The following PSEN1 variants were observed in gnomAD, a reference collection of about 807,000 sequenced individuals.
PSEN1 encodes presenilin-1.
PSEN1 carries 15 observed loss-of-function variants against 53.5 expected under a neutral mutation model. That is an observed-to-expected ratio of 0.28 (90% confidence interval 0.19 to 0.43). PSEN1 has a LOEUF of 0.43. Among genes scored for constraint, PSEN1 ranks in the 20% least tolerant of loss-of-function variants. The pLI is 1.00. For synonymous variants in PSEN1, 208 were observed against 209.8 expected, an observed-to-expected ratio of 0.99 and a Z score of 0.08; for missense variants, 387 against 571.2, an observed-to-expected ratio of 0.68 and a Z score of 3.29.
intron 5 of PSEN1, among the ~76,000 whole-genome samples, chr14:73,174,732 T>C (rs557343419): frequency 1.6e-4 from 25 of 152,332 alleles, no homozygotes; most frequent in Admixed American, 6.5e-4. Context: ...CACTGGTGAC[T>C]GGTCACACCT....
At position 73,147,956 on chromosome 14, in the gene PSEN1, TC is replaced by T; in HGVS notation, c.-53-8del. 1.5e-6 allele frequency: 2 copies of T among 1,299,640 alleles called. No individual in the cohort carries two copies. Among genetic ancestry groups the T allele is most frequent in the South Asian group, 2.4e-5 (2 of 83,508 alleles). The allele number at this position is 1,299,640 out of a possible 1,614,324, so 80.5% of individuals were successfully genotyped here. The stretch of plus-strand genomic sequence containing the variant: ...TAGTGCACAAAGTTCTGTTTTTCTT[TC>T]CCTTTTCAGAACCTCAAGAGGCTTT... On this transcript the variant is annotated splice_polypyrimidine_tract_variant and intron_variant, in intron 2 of 11. Coordinates refer to ENST00000324501, the MANE Select transcript of PSEN1 (RefSeq NM_000021.4).
At chr14:73,217,454 C>G (rs1403816068) in intron 11 of PSEN1, among the ~76,000 whole-genome samples, 1 of 152,198 alleles carries the variant, frequency 6.6e-6, no homozygotes, top group East Asian at 1.9e-4. Context: ...GTAAGCTCTG[C>G]CCTGAGATAT....
rs1897866471 is a variant in PSEN1 at position 73,170,845 on chromosome 14, C to T, written c.136C>T (p.His46Tyr). The T allele has an allele frequency of 1.2e-6, 2 of 1,614,172 alleles. No homozygotes were observed. The highest frequency in any genetic ancestry group is 8.5e-7 in the Non-Finnish European group (1 of 1,180,014). Residue 46 changes from histidine (H) to tyrosine (Y), a missense_variant, in exon 4 of 12, where the codon CAC becomes TAC. Coordinates refer to ENST00000324501, the MANE Select transcript of PSEN1 (RefSeq NM_000021.4). ...GCACAACGACAGACGGAGCCTTGGC[C>T]ACCCTGAGCCATTATCTAATGGACG... ...QEHNDRRSLGHPEPLSNGRPQ... is the reference protein window; with the variant it reads ...QEHNDRRSLGYPEPLSNGRPQ...
chr14:73,144,192 C>T (rs1897005488), intron 1 of PSEN1, among the ~76,000 whole-genome samples: 1 of 151,836 alleles, frequency 6.6e-6, no homozygotes, highest in African/African-American at 2.4e-5. Flanking sequence ...AGGTGCACGT[C>T]ACCATGCCTG....
chr14:73,212,113 T>C (rs1899723744), intron 10 of PSEN1, among the ~76,000 whole-genome samples, 171 bp downstream of exon 10: 1 of 104,880 alleles, frequency 9.5e-6, no homozygotes, highest in Non-Finnish European at 1.9e-5. Context: ...TTTTTTTTTT[T>C]TTTTTTTTTT....
At chr14:73,165,253 G>A (rs1051438293) in intron 3 of PSEN1, among the ~76,000 whole-genome samples, 3 of 152,058 alleles carry the variant, frequency 2.0e-5, no homozygotes, top group Non-Finnish European at 2.9e-5. Flanking sequence ...ACCACGCCCG[G>A]CCCAAACTGT....
chr14:73,140,143 A>G (rs1176977307), intron 1 of PSEN1, among the ~76,000 whole-genome samples: 2 of 150,356 alleles, frequency 1.3e-5, no homozygotes, highest in East Asian at 1.9e-4. Context: ...ATAGGACCAT[A>G]GTCTCATATC....
At chr14:73,184,229 G>A (rs1190062147) in intron 5 of PSEN1, among the ~76,000 whole-genome samples, 24 of 99,560 alleles carry the variant, frequency 2.4e-4, no homozygotes, top group African/African-American at 8.2e-4. Flanking sequence ...CCTCCCGGAC[G>A]GGGCGGCTGG....
rs531554610 is a variant in PSEN1, at chr14:73,194,288, G to C, written c.769+1424G>C. ...TCTTCCAAAGACAGGATCTCTCTCT[G>C]TCATCCACGCTAGAGTACAGTGGCA... On this transcript the variant is annotated intron_variant, in intron 7 of 11. Transcript: ENST00000324501. Among the ~76,000 whole-genome samples the C allele has an allele frequency of 2.7e-5, 4 of 149,462 alleles. 1 individual carries two copies. Among genetic ancestry groups the C allele is most frequent in the South Asian group, 4.2e-4 (2 of 4,740 alleles).
At chr14:73,208,802 G>C in intron 9 of PSEN1, 1 of 453,744 alleles carries the variant, frequency 2.2e-6, no homozygotes, top group South Asian at 1.6e-5. Flanking sequence ...GCTTCACCAG[G>C]GAACTTCCCC....
chr14:73,137,689 G>A (rs1034576773), intron 1 of PSEN1, among the ~76,000 whole-genome samples: 1 of 152,202 alleles, frequency 6.6e-6, no homozygotes, highest in Admixed American at 6.5e-5. Flanking sequence ...GCTGAGGAAG[G>A]GGAGGGAAGC....
At chr14:73,189,484 T>C (rs1357655975) in intron 6 of PSEN1, among the ~76,000 whole-genome samples, 299 of 149,418 alleles carry the variant, frequency 2.0e-3, no homozygotes, top group East Asian at 6.4e-3. Context: ...TGGTGGTGGG[T>C]GCCTGTAATT....
intron 5 of PSEN1, among the ~76,000 whole-genome samples, chr14:73,184,774 T>C (rs1462749124): frequency 1.6e-5 from 2 of 125,028 alleles, no homozygotes; most frequent in Non-Finnish European, 3.3e-5. Flanking sequence ...CCGGACGGGG[T>C]GGCTGCCGGG....
chr14:73,181,225 A>AG (rs1898203012), intron 5 of PSEN1, among the ~76,000 whole-genome samples: 1 of 152,210 alleles, frequency 6.6e-6, no homozygotes, highest in Admixed American at 6.5e-5. Flanking sequence ...GGATCACCTG[A>AG]GGTCAGAAGA....
intron 8 of PSEN1, among the ~76,000 whole-genome samples, chr14:73,199,638 A>T (rs1357618708): frequency 1.3e-5 from 2 of 152,208 alleles, no homozygotes; most frequent in East Asian, 3.8e-4. Context: ...AAGTCAAAGG[A>T]TGTATTTAAA....
intron 3 of PSEN1, among the ~76,000 whole-genome samples, chr14:73,162,535 T>C (rs1897584256): frequency 6.6e-6 from 1 of 151,818 alleles, no homozygotes; most frequent in Admixed American, 6.5e-5. Flanking sequence ...AGCACGTATC[T>C]GCAGTCTCAG....
chr14:73,171,002 C>G lies in PSEN1; in HGVS notation c.293C>G (p.Ala98Gly). 1 of 1,614,190 alleles carries G rather than the reference C, an allele frequency of 6.2e-7. No individual in the cohort carries two copies. Among genetic ancestry groups the G allele is most frequent in the Admixed American group, 1.7e-5 (1 of 60,022 alleles). ...ACTCTCTGCATGGTGGTGGTCGTGGCTACCATTAAGTCAGTCAGCTTTTAT... is the reference window on the plus strand; with the variant it reads ...ACTCTCTGCATGGTGGTGGTCGTGGGTACCATTAAGTCAGTCAGCTTTTAT... ...PVTLCMVVVV[A>G]TIKSVSFYTR... is the part of the protein sequence containing the mutation. Residue 98 changes from alanine to glycine, a missense_variant, in exon 4 of 12, where the codon GCT becomes GGT. Ala to Gly is a moderately conservative substitution (Grantham distance 60). Around this residue, in one of 4 missense-constraint regions of PSEN1, gnomAD observed 169 missense variants for 299.7 expected, o/e 0.56. Transcript: ENST00000324501.
intron 8 of PSEN1, among the ~76,000 whole-genome samples, chr14:73,203,555 CT>C (rs1899319083): frequency 6.6e-6 from 1 of 152,284 alleles, no homozygotes; most frequent in South Asian, 2.1e-4. Context: ...GCTATTTGTT[CT>C]CTAAAAATCA....
Position 73,198,120 on chromosome 14 carries a change from A to C in PSEN1, c.859A>C (p.Ile287Leu). Residue 287 changes from isoleucine to leucine, a missense_variant, in exon 8 of 12, where the codon ATT (isoleucine) becomes CTT (leucine). This residue lies in a region of PSEN1 where 169 missense variants were observed against 299.7 expected (regional missense o/e 0.56). Transcript: ENST00000324501. Reference sequence around the variant, plus strand: ...AAATGAAACGCTTTTTCCAGCTCTCATTTACTCCTGTAAGTATTTGAGAAG... The same window carrying C: ...AAATGAAACGCTTTTTCCAGCTCTCCTTTACTCCTGTAAGTATTTGAGAAG... ...ERNETLFPAL[I>L]YSSTMVWLVN... The C allele has an allele frequency of 6.3e-7, 1 of 1,592,290 alleles. No individual in the cohort carries two copies. The highest frequency in any genetic ancestry group is 2.2e-5 in the East Asian group (1 of 44,778).
Sources: allele counts gnomAD v4.1 joint callset (sites outside exome capture counted in the v4.1 genomes callset), GRCh38; gene constraint gnomAD v4.1.1; regional missense constraint gnomAD v4.1.1; transcripts MANE v1.5; gene names NCBI Gene and HGNC (gene_info 2026-07-23, HGNC 2026-07-21).